Variants in PTPRG observed in about 807,000 individuals in gnomAD.
The protein encoded by PTPRG is receptor-type tyrosine-protein phosphatase gamma.
Under a neutral mutation model 165.3 loss-of-function variants are expected in PTPRG, and 102 were observed. The observed-to-expected ratio is 0.62, with a 90% CI of 0.53 to 0.73. The LOEUF is 0.73. Among genes scored for constraint, PTPRG ranks in the 30% least tolerant of loss-of-function variants. The pLI, the probability that PTPRG is intolerant of heterozygous loss-of-function variation, is 0.00. For missense variants in PTPRG, 1,866 were observed against 1,861.4 expected (o/e 1.00, Z -0.05); for synonymous variants, 675 against 669.5 (o/e 1.01, Z -0.13).
At chr3:61,847,291 AT>A (rs1189341054) in intron 2 of PTPRG, among the ~76,000 whole-genome samples, 1 of 152,178 alleles carries the variant, frequency 6.6e-6, no homozygotes, top group Non-Finnish European at 1.5e-5. Flanking sequence ...AGGGCAAGGC[AT>A]CTACTGGCCA....
At chr3:62,084,463 C>T (rs1288672895) in intron 5 of PTPRG, among the ~76,000 whole-genome samples, 9 of 152,024 alleles carry the variant, frequency 5.9e-5, no homozygotes, top group Non-Finnish European at 1.3e-4. Context: ...TTCATTTCTG[C>T]CCTTCTTTCA....
chr3:61,746,208 ATTTTTTTTTTT>A (rs750697053), intron 1 of PTPRG, among the ~76,000 whole-genome samples: 2 of 81,320 alleles, frequency 2.5e-5, no homozygotes, highest in East Asian at 4.0e-4. Context: ...ACACACTCTA[ATTTTTTTTTTT>A]TTTTTTTTTT....
chr3:61,772,058 T>TAAAAAAAA (rs71100977), intron 2 of PTPRG, among the ~76,000 whole-genome samples: 5 of 64,772 alleles, frequency 7.7e-5, no homozygotes, highest in African/African-American at 1.2e-4. Context: ...AGACTCTGTC[T>TAAAAAAAA]AAAAAAAAAA....
chr3:61,862,889 A>G (rs536984347), intron 2 of PTPRG, among the ~76,000 whole-genome samples: 2 of 152,134 alleles, frequency 1.3e-5, no homozygotes, highest in African/African-American at 4.8e-5. Flanking sequence ...AGTCCCTCCT[A>G]CTATGTGACA....
intron 28 of PTPRG, among the ~76,000 whole-genome samples, chr3:62,284,158 C>A (rs1401535557): frequency 2.6e-5 from 4 of 151,666 alleles, no homozygotes; most frequent in Admixed American, 2.6e-4. Context: ...TTTGCTGTTA[C>A]GGTAGTACTC....
chr3:62,072,104 A>G (rs906746474), intron 4 of PTPRG, among the ~76,000 whole-genome samples: 3 of 152,344 alleles, frequency 2.0e-5, no homozygotes, highest in Non-Finnish European at 4.4e-5. Context: ...AAGTTGCACA[A>G]GGCAGGAGGA....
intron 6 of PTPRG, among the ~76,000 whole-genome samples, chr3:62,150,655 T>G (rs1281478562): frequency 6.6e-6 from 1 of 152,096 alleles, no homozygotes; most frequent in African/African-American, 2.4e-5. Flanking sequence ...TAAGGAAAAG[T>G]TAATTGCTTT....
intron 1 of PTPRG, among the ~76,000 whole-genome samples, chr3:61,745,543 C>G (rs2033164532): frequency 6.6e-6 from 1 of 152,214 alleles, no homozygotes; most frequent in Non-Finnish European, 1.5e-5. Flanking sequence ...CACTTTGTAC[C>G]TCAATACTTT....
At chr3:62,170,842 C>G (rs1304514308) in intron 8 of PTPRG, among the ~76,000 whole-genome samples, 1 of 152,134 alleles carries the variant, frequency 6.6e-6, no homozygotes, top group African/African-American at 2.4e-5. Context: ...ACGTGCACAG[C>G]TTGATGAATT....
intron 1 of PTPRG, among the ~76,000 whole-genome samples, chr3:61,607,469 G>T: frequency 1.9e-4 from 1 of 5,330 alleles, no homozygotes; most frequent in African/African-American, 2.1e-4. Flanking sequence ...GTCAGTCTGA[G>T]ACTGCTCAGC....
chr3:62,212,585 G>A (rs1271315322), intron 12 of PTPRG, among the ~76,000 whole-genome samples: 2 of 152,140 alleles, frequency 1.3e-5, no homozygotes, highest in African/African-American at 4.8e-5. Flanking sequence ...GTGCCATCTT[G>A]CAAACTGAAA....
chr3:62,017,908 A>G (rs1301393654), intron 4 of PTPRG, among the ~76,000 whole-genome samples: 1 of 152,144 alleles, frequency 6.6e-6, no homozygotes, highest in African/African-American at 2.4e-5. Context: ...GGAATTTTAG[A>G]TTGAGATTAT....
Position 61,919,834 on chromosome 3 carries a change from T to A in PTPRG, c.191-69791T>A, listed in dbSNP as rs903713824. ...TGTTACATGTGCCTTCCCTCACCCT[T>A]ACCTCTGCAGCTAAGAAGCCTGTCC... is the stretch of plus-strand genomic sequence containing the variant. On this transcript the variant is annotated intron_variant, in intron 2 of 29. Transcript: ENST00000474889. Among the ~76,000 whole-genome samples, 4 of 152,200 alleles carry A rather than the reference T, an allele frequency of 2.6e-5. No individual in the cohort carries two copies. The East Asian group carries it at 5.8e-4, about 22-fold the overall frequency.
At chr3:62,043,781 A>C (rs941439929) in intron 4 of PTPRG, among the ~76,000 whole-genome samples, 14 of 152,216 alleles carry the variant, frequency 9.2e-5, no homozygotes, top group Non-Finnish European at 2.1e-4. Flanking sequence ...AGTAGAAAAC[A>C]CAACCCTTGT....
chr3:62,143,815 G>T (rs1419884938), intron 6 of PTPRG, among the ~76,000 whole-genome samples: 1 of 152,138 alleles, frequency 6.6e-6, no homozygotes, highest in African/African-American at 2.4e-5. Flanking sequence ...TCCAGTTTGG[G>T]AGCTGTGTGA....
intron 2 of PTPRG, among the ~76,000 whole-genome samples, chr3:61,757,943 C>G (rs1237433516): frequency 6.6e-6 from 1 of 152,164 alleles, no homozygotes; most frequent in East Asian, 1.9e-4. Flanking sequence ...AATTAGAGCA[C>G]AGTGATTTGC....
At position 62,078,234 on chromosome 3, in the gene PTPRG, C is replaced by G. The variant is rs374241237; in HGVS notation, c.591C>G (p.Ile197Met). 3.1e-6 allele frequency: 5 copies of G among 1,605,312 alleles called. No homozygotes were observed. The African/African-American group carries it at 4.0e-5, about 13-fold the overall frequency. Reference protein sequence around the residue: ...FQTAISENRIIGAMAIFFQVS... With the variant: ...FQTAISENRIMGAMAIFFQVS... Reference sequence around the variant, plus strand: ...CCGCAATTTCTGAGAACAGAATAATCGGAGCCATGGCCATATTTTTTCAAG... The same window carrying G: ...CCGCAATTTCTGAGAACAGAATAATGGGAGCCATGGCCATATTTTTTCAAG... Residue 197 changes from isoleucine (I) to methionine (M), a missense_variant, in exon 5 of 30, where the codon ATC becomes ATG. This residue lies in a region of PTPRG where 408 missense variants were observed against 376.2 expected (regional missense o/e 1.08). Coordinates refer to ENST00000474889, the MANE Select transcript of PTPRG (RefSeq NM_002841.4).
intron 1 of PTPRG, among the ~76,000 whole-genome samples, chr3:61,703,323 C>T (rs1048358161): frequency 6.6e-6 from 1 of 152,146 alleles, no homozygotes; most frequent in Admixed American, 6.5e-5. Context: ...TGCATCTTAT[C>T]AGTATTGATT....
Position 62,203,897 on chromosome 3 carries a change from T to G in PTPRG, c.2102T>G (p.Met701Arg). 6.2e-7 allele frequency: 1 copy of G among 1,607,564 alleles called. No individual in the cohort carries two copies. Among genetic ancestry groups the G allele is most frequent in the African/African-American group, 1.3e-5 (1 of 74,740 alleles). Reference sequence around the variant, plus strand: ...CCCGAAATGCCATCTAAAAAGCCTATGTCCCGCGGGGACCGATTTTCTGAA... The same window carrying G: ...CCCGAAATGCCATCTAAAAAGCCTAGGTCCCGCGGGGACCGATTTTCTGAA... ...KRPEMPSKKP[M>R]SRGDRFSEDS... The change falls in exon 12 of 30, where the codon ATG (methionine) becomes AGG (arginine). Residue 701 changes from methionine to arginine, a missense_variant. Coordinates refer to ENST00000474889, the MANE Select transcript of PTPRG (RefSeq NM_002841.4). The surrounding 1 kb of genome is among the most constrained non-coding windows in gnomAD (Gnocchi z 6.4).
Sources: gnomAD v4.1 joint callset for allele counts (sites outside exome capture counted in the v4.1 genomes callset) on GRCh38, gnomAD v4.1.1 for gene constraint, gnomAD v4.1.1 regional missense constraint, Gnocchi (gnomAD v3.1) non-coding constraint, MANE v1.5 for transcripts, NCBI Gene and HGNC (gene_info 2026-07-23, HGNC 2026-07-21) for gene names.